NAE1: variants seen among roughly 807,000 people sequenced by gnomAD.
NAE1 encodes the protein NEDD8-activating enzyme E1 regulatory subunit.
NAE1 carries 59 observed loss-of-function variants against 88.0 expected under a neutral mutation model. That is an observed-to-expected ratio of 0.67 (90% CI 0.54 to 0.83). The LOEUF is 0.83. NAE1 is among the 40% of genes least tolerant of loss of function. The pLI is 0.00. For synonymous variants in NAE1, 186 were observed against 208.9 expected (o/e 0.89, Z 0.95); for missense variants, 554 against 632.8 (o/e 0.88, Z 1.34).
chr16:66,810,438 T>G (rs1567488890), intron 14 of NAE1, 25 bp from the exon 15 acceptor site: 1 of 1,583,928 alleles, frequency 6.3e-7, no homozygotes, highest in Non-Finnish European at 8.6e-7. Flanking sequence ...ATACAGATTC[T>G]GTTCCAGTTT....
intron 3 of NAE1, among the ~76,000 whole-genome samples, chr16:66,825,311 G>A (rs2145351768): frequency 6.6e-6 from 1 of 152,174 alleles, no homozygotes; most frequent in South Asian, 2.1e-4. Context: ...GCCGGGCGTG[G>A]TGGCGGGCGC....
chr16:66,806,075 A>C, intron 17 of NAE1, 49 bp from the exon 18 acceptor site: 2 of 1,536,110 alleles, frequency 1.3e-6, no homozygotes, highest in African/African-American at 1.4e-5. Flanking sequence ...TTCAAAATTA[A>C]TGGCCAACTC....
intron 6 of NAE1, among the ~76,000 whole-genome samples, chr16:66,822,470 C>G (rs1345150232): frequency 1.3e-5 from 2 of 151,902 alleles, no homozygotes; most frequent in Non-Finnish European, 2.9e-5. Context: ...ATTTGGGAGA[C>G]TGAGGCACGA....
At chr16:66,808,648 A>G (rs866919019) in intron 16 of NAE1, 35 bp from the exon 17 acceptor site, 1 of 1,436,570 alleles carries the variant, frequency 7.0e-7, no homozygotes, top group Middle Eastern at 1.8e-4. Context: ...TAATTTGGTT[A>G]ATTTGCAATG....
intron 13 of NAE1, among the ~76,000 whole-genome samples, chr16:66,812,948 G>A (rs1431431081): frequency 2.0e-5 from 3 of 151,168 alleles, no homozygotes; most frequent in Non-Finnish European, 2.9e-5. Flanking sequence ...TCAGCCTCCC[G>A]GGTAGCTGGG....
chr16:66,827,940 C>G (rs762344326), intron 1 of NAE1: 1 of 1,545,020 alleles, frequency 6.5e-7, no homozygotes, highest in Admixed American at 1.7e-5. Flanking sequence ...CTCGCCTCAG[C>G]CTCTAGAGTT....
intron 17 of NAE1, 31 bp downstream of exon 17, chr16:66,808,490 T>A: frequency 7.5e-7 from 1 of 1,325,246 alleles, no homozygotes; most frequent in Non-Finnish European, 1.1e-6. Flanking sequence ...GAAGATCTTA[T>A]TATATCTGGT....
rs1264794983 is a variant in NAE1 at position 66,830,959 on chromosome 16, C to G, written c.-60G>C. 2.1e-6 allele frequency: 3 copies of G among 1,450,032 alleles called. No individual in the cohort carries two copies. The highest frequency in any genetic ancestry group is 2.9e-5 in the East Asian group (1 of 34,412). 89.8% of individuals were successfully genotyped at this position (1,450,032 alleles called of 1,614,324 possible). ...CTGCGGAGCGCCGCCACCAGCTCCA[C>G]AAGCGCGCAGGCGCACTGAGCGCCC... On this transcript the variant is annotated 5_prime_UTR_variant, in exon 1 of 20. Transcript: ENST00000290810.
chr16:66,803,158 A>AAC lies in NAE1; in HGVS notation c.1496-41_1496-40insGT, dbSNP rs775324488. On this transcript the variant is annotated intron_variant, in intron 19 of 19. Coordinates refer to ENST00000290810, the MANE Select transcript of NAE1 (RefSeq NM_003905.4). The stretch of plus-strand genomic sequence containing the variant: ...GAGAAAAGCAAATCTTTGAAAGAGT[A>AAC]AACTTCAAGAGTTACATACTCAATT... The AAC allele has an allele frequency of 7.4e-6, 10 of 1,349,320 alleles. No homozygotes were observed. In the South Asian group the frequency reaches 9.4e-5, roughly 13 times the overall value. 83.6% of individuals were successfully genotyped at this position (1,349,320 alleles called of 1,614,324 possible). A position where few individuals can be genotyped will look rare whatever the true frequency, so the allele number is the denominator to read the frequency against.
chr16:66,822,267 T>C (rs1325296808), intron 6 of NAE1, among the ~76,000 whole-genome samples: 2 of 152,154 alleles, frequency 1.3e-5, no homozygotes, highest in Non-Finnish European at 2.9e-5. Context: ...TCTAAATATA[T>C]TCCAAAAGTT....
At chr16:66,806,918 A>G (rs1209037096) in intron 17 of NAE1, among the ~76,000 whole-genome samples, 1 of 152,220 alleles carries the variant, frequency 6.6e-6, no homozygotes, top group African/African-American at 2.4e-5. Context: ...CTAGGTCATA[A>G]AAAGCCCTGT....
At chr16:66,815,058 G>T (rs1959988160) in intron 11 of NAE1, among the ~76,000 whole-genome samples, 1 of 152,100 alleles carries the variant, frequency 6.6e-6, no homozygotes, top group Admixed American at 6.6e-5. Context: ...AAGTCTCCCT[G>T]GCTCCCTATG....
At chr16:66,822,183 A>T (rs1204675896) in intron 6 of NAE1, among the ~76,000 whole-genome samples, 1 of 152,150 alleles carries the variant, frequency 6.6e-6, no homozygotes. Flanking sequence ...ATCAATTCTA[A>T]CTAGTTTTTA....
chr16:66,828,174 G>C, intron 1 of NAE1: 1 of 914,280 alleles, frequency 1.1e-6, no homozygotes, highest in Non-Finnish European at 1.7e-6. Context: ...TGCTTAGATA[G>C]TTGGAGAGTA....
At chr16:66,830,571 A>C (rs1401856140) in intron 1 of NAE1, among the ~76,000 whole-genome samples, 2 of 152,218 alleles carry the variant, frequency 1.3e-5, no homozygotes, top group Non-Finnish European at 2.9e-5. Flanking sequence ...GCCTGGGCGC[A>C]ACGGGGCCGG....
chr16:66,829,005 A>C (rs1467004447), intron 1 of NAE1, among the ~76,000 whole-genome samples: 1 of 152,016 alleles, frequency 6.6e-6, no homozygotes, highest in Non-Finnish European at 1.5e-5. Context: ...AAAAAAAAAA[A>C]AGAATCCTGG....
Position 66,823,312 on chromosome 16 carries a change from C to A in NAE1, c.322-6G>T, listed in dbSNP as rs1443201120. The A allele has an allele frequency of 1.3e-6, 2 of 1,589,052 alleles. No individual in the cohort carries two copies. The highest frequency in any genetic ancestry group is 2.7e-5 in the African/African-American group (2 of 73,576). ...TCTAGAAGGTTTTCTGGACTCTAAA[C>A]AGGACAGCAAAGAAAAAAACAAACA... On this transcript the variant is annotated splice_polypyrimidine_tract_variant and splice_region_variant and intron_variant, in intron 5 of 19. Transcript: ENST00000290810.
intron 16 of NAE1, 182 bp downstream of exon 16, chr16:66,808,807 C>A: frequency 1.7e-6 from 1 of 602,020 alleles, no homozygotes; most frequent in Non-Finnish European, 2.8e-6. Context: ...TGACTTTATG[C>A]ATACATTAAG....
chr16:66,817,823 T>C (rs1427458440), intron 8 of NAE1, among the ~76,000 whole-genome samples: 1 of 152,176 alleles, frequency 6.6e-6, no homozygotes, highest in Non-Finnish European at 1.5e-5. Flanking sequence ...AATAAGCAAC[T>C]GCATGTTAAT....
Sources: allele counts gnomAD v4.1 joint callset (sites outside exome capture counted in the v4.1 genomes callset), GRCh38; gene constraint gnomAD v4.1.1; transcripts MANE v1.5; gene names NCBI Gene and HGNC (gene_info 2026-07-23, HGNC 2026-07-21).